Variants in SESN3 observed in about 807,000 individuals in gnomAD.
SESN3 encodes sestrin 3, also known as sestrin-3.
Under a neutral mutation model 55.3 loss-of-function variants are expected in SESN3, and 21 were observed. The observed-to-expected ratio is 0.38, with a 90% CI of 0.27 to 0.55. SESN3 has a LOEUF of 0.55. Ranked by LOEUF, SESN3 falls within the 20% of genes least tolerant of loss-of-function variation. SESN3 has a pLI of 0.76. For synonymous variants in SESN3, 181 were observed against 203.1 expected (o/e 0.89, Z 0.93); for missense variants, 408 against 604.3 (o/e 0.68, Z 3.41).
intron 1 of SESN3, among the ~76,000 whole-genome samples, chr11:95,206,822 A>C (rs1189078872): frequency 3.3e-5 from 5 of 151,770 alleles, no homozygotes; most frequent in Admixed American, 2.6e-4. Flanking sequence ...TTTAGACGGA[A>C]TCTTGCTCTG....
At chr11:95,231,400 C>T (rs1417548738), upstream of SESN3, 1 of 357,548 alleles carries the variant, frequency 2.8e-6, no homozygotes, top group Non-Finnish European at 5.0e-6. Flanking sequence ...AAGTTTATCT[C>T]CGAGGCTCGG....
chr11:95,220,795 C>T (rs1369352658), intron 1 of SESN3, among the ~76,000 whole-genome samples: 1 of 152,136 alleles, frequency 6.6e-6, no homozygotes, highest in African/African-American at 2.4e-5. Context: ...GTTGCAAATC[C>T]TAAGTCTGTC....
intron 2 of SESN3, 89 bp from the exon 3 acceptor site, chr11:95,191,690 GA>G (rs1317105048): frequency 5.5e-6 from 5 of 909,654 alleles, no homozygotes; most frequent in Admixed American, 4.6e-5. Flanking sequence ...TGAAGCAAAT[GA>G]ATATTCATTT....
chr11:95,223,453 T>C (rs562001885), intron 1 of SESN3, among the ~76,000 whole-genome samples: 1 of 152,338 alleles, frequency 6.6e-6, no homozygotes, highest in African/African-American at 2.4e-5. Flanking sequence ...TCTTCAGCTG[T>C]TGCACAGTAC....
chr11:95,221,434 T>C (rs1337320256), intron 1 of SESN3, among the ~76,000 whole-genome samples: 1 of 152,242 alleles, frequency 6.6e-6, no homozygotes, highest in Non-Finnish European at 1.5e-5. Context: ...AAAGACAAAT[T>C]TCATTTCTTC....
intron 8 of SESN3, 96 bp from the exon 9 acceptor site, chr11:95,175,738 C>T: frequency 1.0e-6 from 1 of 999,648 alleles, no homozygotes; most frequent in South Asian, 1.6e-5. Flanking sequence ...TAATTAAATA[C>T]TAAAAGCTCG....
chr11:95,208,584 T>C (rs1860592482), intron 1 of SESN3, among the ~76,000 whole-genome samples: 1 of 151,376 alleles, frequency 6.6e-6, no homozygotes, highest in African/African-American at 2.4e-5. Flanking sequence ...AAATTTCATA[T>C]GGAACCAAAA....
chr11:95,223,270 A>G (rs1315278329), intron 1 of SESN3, among the ~76,000 whole-genome samples: 1 of 151,980 alleles, frequency 6.6e-6, no homozygotes, highest in Non-Finnish European at 1.5e-5. Context: ...AGTACCCTGC[A>G]TTAATAGTTC....
rs932872230 is a variant in SESN3 at position 95,198,482 on chromosome 11, T to A, written c.79-4960A>T. On this transcript the variant is annotated intron_variant, in intron 1 of 9. Coordinates refer to ENST00000536441, the MANE Select transcript of SESN3 (RefSeq NM_144665.4). ...GCTGCACTAATTTTGAGGAATAATATTGCTATGTTTTTCTCTAAGCATTTC... is the reference window on the plus strand; with the variant it reads ...GCTGCACTAATTTTGAGGAATAATAATGCTATGTTTTTCTCTAAGCATTTC... Among the ~76,000 whole-genome samples, 11 of 152,284 alleles carry A rather than the reference T, an allele frequency of 7.2e-5. No individual in the cohort carries two copies. In the East Asian group the frequency reaches 2.1e-3, roughly 29 times the overall value.
chr11:95,189,211 T>C (rs938346548), intron 4 of SESN3, among the ~76,000 whole-genome samples: 1 of 151,884 alleles, frequency 6.6e-6, no homozygotes, highest in African/African-American at 2.4e-5. Flanking sequence ...AGGCCTTTGA[T>C]GGAAGCGCCT....
Position 95,193,497 on chromosome 11 carries a change from G to C in SESN3, c.104C>G (p.Pro35Arg), listed in dbSNP as rs762668129. Residue 35 changes from proline to arginine, a missense_variant, in exon 2 of 10, where the codon CCC (proline) becomes CGC (arginine). By Grantham distance (103) the Pro-to-Arg change is moderately radical. Around this residue, in one of 4 missense-constraint regions of SESN3, gnomAD observed 61 missense variants for 48.3 expected, o/e 1.26. Transcript: ENST00000536441. ...AAAGGCACTTGGTCCTCTTGTCAAG[G>C]GTTGAGACACTCTGATTCTTTTATC... ...RKDKRIRVSQPLTRGPSAFIP... is the reference protein window; with the variant it reads ...RKDKRIRVSQRLTRGPSAFIP... 4.4e-6 allele frequency: 7 copies of C among 1,594,032 alleles called. No homozygotes were observed. The highest frequency in any genetic ancestry group is 6.0e-6 in the Non-Finnish European group (7 of 1,163,230).
At chr11:95,176,316 T>G (rs574761401) in intron 8 of SESN3, among the ~76,000 whole-genome samples, 321 of 152,270 alleles carry the variant, frequency 2.1e-3, no homozygotes, top group Non-Finnish European at 3.9e-3. Flanking sequence ...AGAGATTTGC[T>G]TCGCACGAAA....
chr11:95,196,573 T>C (rs546626415), intron 1 of SESN3, among the ~76,000 whole-genome samples: 1 of 152,280 alleles, frequency 6.6e-6, no homozygotes, highest in African/African-American at 2.4e-5. Flanking sequence ...ACTTCACTCA[T>C]ACTAACTTTT....
chr11:95,193,704 T>A (rs370955140), intron 1 of SESN3, among the ~76,000 whole-genome samples, 182 bp from the exon 2 acceptor site: 15 of 152,198 alleles, frequency 9.9e-5, no homozygotes, highest in South Asian at 6.2e-4. Flanking sequence ...GATGAGATAA[T>A]GGGGCAAACA....
At chr11:95,192,895 TAA>T (rs1403465589) in intron 2 of SESN3, among the ~76,000 whole-genome samples, 1 of 152,132 alleles carries the variant, frequency 6.6e-6, no homozygotes, top group Non-Finnish European at 1.5e-5. Context: ...TTTCCCAGCA[TAA>T]GTTTGTTCTA....
chr11:95,196,347 A>C (rs1190794285), intron 1 of SESN3, among the ~76,000 whole-genome samples: 1 of 152,150 alleles, frequency 6.6e-6, no homozygotes, highest in African/African-American at 2.4e-5. Context: ...TACTCTAAAC[A>C]CATTTCATTC....
At chr11:95,202,217 A>G (rs1307754652) in intron 1 of SESN3, among the ~76,000 whole-genome samples, 2 of 152,106 alleles carry the variant, frequency 1.3e-5, no homozygotes, top group African/African-American at 2.4e-5. Context: ...GTAGCATTAC[A>G]GCTCAGCAAA....
At chr11:95,215,634 C>T (rs1324257255) in intron 1 of SESN3, among the ~76,000 whole-genome samples, 4 of 152,042 alleles carry the variant, frequency 2.6e-5, no homozygotes, top group African/African-American at 9.7e-5. Context: ...TTCAACTGAC[C>T]TTGACAAACA....
Position 95,173,150 on chromosome 11 carries a change from C to A in SESN3, c.*105G>T. 3.5e-6 allele frequency: 2 copies of A among 579,034 alleles called. No individual in the cohort carries two copies. The highest frequency in any genetic ancestry group is 6.0e-6 in the Non-Finnish European group (2 of 332,788). The allele number at this position is 579,034 out of a possible 1,614,324, so 35.9% of individuals were successfully genotyped here. On this transcript the variant is annotated 3_prime_UTR_variant, in exon 10 of 10. Transcript: ENST00000536441. ...AAAAAAACAAACGGCTAAACTTTGACACTAGAGAACTGAATAATTTTTGAT... is the reference window on the plus strand; with the variant it reads ...AAAAAAACAAACGGCTAAACTTTGAAACTAGAGAACTGAATAATTTTTGAT...
Sources: allele counts gnomAD v4.1 joint callset (sites outside exome capture counted in the v4.1 genomes callset), GRCh38; gene constraint gnomAD v4.1.1; regional missense constraint gnomAD v4.1.1; transcripts MANE v1.5; gene names NCBI Gene and HGNC (gene_info 2026-07-23, HGNC 2026-07-21).